PPA2: variants seen among roughly 807,000 people sequenced by gnomAD.
PPA2 encodes the protein inorganic pyrophosphatase 2, also known as inorganic pyrophosphatase 2, mitochondrial.
Under a neutral mutation model 49.5 loss-of-function variants are expected in PPA2, and 48 were observed. The ratio of observed to expected loss-of-function variants is 0.97; its 90% CI spans 0.77 to 1.23. The LOEUF (loss-of-function observed/expected upper bound fraction) is 1.23, where lower values mean the gene tolerates loss of function less well. PPA2 is among the 50% of genes most tolerant of loss of function. The pLI is 0.00. For synonymous variants in PPA2, 131 were observed against 139.9 expected (o/e 0.94, Z 0.45); for missense variants, 429 against 410.1 (o/e 1.05, Z -0.40).
intron 10 of PPA2, among the ~76,000 whole-genome samples, chr4:105,377,741 G>A (rs1733315667): frequency 6.6e-6 from 1 of 151,968 alleles, no homozygotes; most frequent in Non-Finnish European, 1.5e-5. Context: ...GATCTGGTCT[G>A]CATCATTATA....
chr4:105,398,044 C>A lies in PPA2; in HGVS notation c.783+993G>T, dbSNP rs571393883. Among the ~76,000 whole-genome samples, 17 of 151,732 alleles carry A rather than the reference C, an allele frequency of 1.1e-4. No individual in the cohort carries two copies. In the South Asian group the frequency reaches 3.6e-3, roughly 32 times the overall value. On this transcript the variant is annotated intron_variant, in intron 8 of 11. Coordinates refer to ENST00000341695, the MANE Select transcript of PPA2 (RefSeq NM_176869.3). ...TCTGGTGAAGTTGTATAAATGACCT[C>A]ATCTTTATACAGAAAAGAATTACTA...
chr4:105,370,566 G>A, intron 11 of PPA2: 5 of 966,294 alleles, frequency 5.2e-6, no homozygotes, highest in Non-Finnish European at 6.1e-6. Context: ...ATCAGAACTG[G>A]CTGGAATATC....
At chr4:105,456,802 C>A in intron 1 of PPA2, 57 bp from the exon 2 acceptor site, 1 of 1,362,838 alleles carries the variant, frequency 7.3e-7, no homozygotes, top group Non-Finnish European at 1.0e-6. Context: ...ACACATTGTT[C>A]TATACAGCAA....
Position 105,396,437 on chromosome 4 carries a change from T to C in PPA2, c.784-103A>G. 9.1e-6 allele frequency: 7 copies of C among 770,422 alleles called. No individual in the cohort carries two copies. In the East Asian group the frequency reaches 1.1e-4, roughly 13 times the overall value. 47.7% of individuals were successfully genotyped at this position (770,422 alleles called of 1,614,324 possible). A position where few individuals can be genotyped will look rare whatever the true frequency, so the allele number is the denominator to read the frequency against. On this transcript the variant is annotated intron_variant, in intron 8 of 11. Coordinates refer to ENST00000341695, the MANE Select transcript of PPA2 (RefSeq NM_176869.3). ...TGATGACAGTTAATTGTTAAGAGCA[T>C]GAGCTCCAGAGTCAGGCAAAGCTTG...
chr4:105,391,943 T>C (rs1733939192), intron 9 of PPA2, among the ~76,000 whole-genome samples: 1 of 152,138 alleles, frequency 6.6e-6, no homozygotes, highest in Non-Finnish European at 1.5e-5. Flanking sequence ...AGTAACTGAA[T>C]TAGTGTAGTT....
intron 6 of PPA2, among the ~76,000 whole-genome samples, chr4:105,429,296 C>T (rs747689613): frequency 2.0e-5 from 3 of 152,070 alleles, no homozygotes; most frequent in Admixed American, 6.6e-5. Flanking sequence ...ATACAAGAAA[C>T]GAGTAGATGA....
intron 1 of PPA2, among the ~76,000 whole-genome samples, chr4:105,472,093 C>T (rs1723547127): frequency 6.6e-6 from 1 of 152,230 alleles, no homozygotes; most frequent in African/African-American, 2.4e-5. Flanking sequence ...CTCCGTTATT[C>T]ATCCAATGCC....
intron 6 of PPA2, among the ~76,000 whole-genome samples, chr4:105,437,131 C>T (rs1382610468): frequency 6.6e-6 from 1 of 151,998 alleles, no homozygotes; most frequent in African/African-American, 2.4e-5. Context: ...TGCGCAAAGG[C>T]CACGAACCAA....
At chr4:105,402,209 C>A (rs1185164212) in intron 7 of PPA2, among the ~76,000 whole-genome samples, 1 of 151,606 alleles carries the variant, frequency 6.6e-6, no homozygotes, top group African/African-American at 2.4e-5. Context: ...GAGTTTGAGA[C>A]CATTCTGGGC....
intron 9 of PPA2, among the ~76,000 whole-genome samples, chr4:105,391,691 G>A (rs1733928083): frequency 6.6e-6 from 1 of 152,146 alleles, no homozygotes; most frequent in Non-Finnish European, 1.5e-5. Flanking sequence ...TAGGAAGGAA[G>A]AGCCCATGAG....
chr4:105,417,393 G>A (rs759879120), intron 7 of PPA2, among the ~76,000 whole-genome samples: 1 of 151,986 alleles, frequency 6.6e-6, no homozygotes, highest in Non-Finnish European at 1.5e-5. Context: ...AAACCCTAGG[G>A]ATCTTTTAGT....
intron 7 of PPA2, among the ~76,000 whole-genome samples, chr4:105,403,095 C>T (rs1476214914): frequency 6.6e-6 from 1 of 152,076 alleles, no homozygotes; most frequent in African/African-American, 2.4e-5. Context: ...GCAATCACGG[C>T]TCACTGCAAC....
At chr4:105,465,729 C>T (rs2110330317) in intron 1 of PPA2, among the ~76,000 whole-genome samples, 1 of 152,314 alleles carries the variant, frequency 6.6e-6, no homozygotes, top group East Asian at 1.9e-4. Context: ...TTCAGTGTTG[C>T]AGGCCTGTTA....
chr4:105,439,793 G>C (rs144276233), intron 5 of PPA2, among the ~76,000 whole-genome samples: 4,288 of 150,346 alleles, frequency 0.029, 195 homozygotes, highest in African/African-American at 0.09. Flanking sequence ...CCATTAACTC[G>C]TCATTTAGCA....
intron 7 of PPA2, among the ~76,000 whole-genome samples, chr4:105,402,646 C>T (rs1251767063): frequency 6.6e-6 from 1 of 152,122 alleles, no homozygotes; most frequent in Non-Finnish European, 1.5e-5. Flanking sequence ...AAGGGCCATA[C>T]TAAGGATTAT....
chr4:105,424,987 A>T lies in PPA2; in HGVS notation c.529-665T>A, dbSNP rs143212353. Among the ~76,000 whole-genome samples the T allele has an allele frequency of 5.4e-3, 820 of 152,340 alleles. 2 individuals are homozygous for T. Among genetic ancestry groups the T allele is most frequent in the Admixed American group, 7.1e-3 (109 of 15,308 alleles). ...GAAAACCTCATTTACCACAAGGGGCATTCATTAGTGAGCCTATAATAGGCA... is the reference window on the plus strand; with the variant it reads ...GAAAACCTCATTTACCACAAGGGGCTTTCATTAGTGAGCCTATAATAGGCA... On this transcript the variant is annotated intron_variant, in intron 6 of 11. Transcript: ENST00000341695.
At chr4:105,472,874 G>C (rs4699178) in intron 1 of PPA2, among the ~76,000 whole-genome samples, 133,036 of 152,270 alleles carry the variant, frequency 0.87, 58,473 homozygotes, top group African/African-American at 0.92. Context: ...TGACTAATCA[G>C]TTTACATATA....
At chr4:105,453,558 T>C (rs1722752995) in intron 3 of PPA2, 40 bp downstream of exon 3, 2 of 1,475,434 alleles carry the variant, frequency 1.4e-6, no homozygotes, top group Non-Finnish European at 9.3e-7. Flanking sequence ...TAACAGACAA[T>C]ATAAAAGTGA....
At chr4:105,439,994 A>G (rs1274176365) in intron 5 of PPA2, among the ~76,000 whole-genome samples, 1 of 151,808 alleles carries the variant, frequency 6.6e-6, no homozygotes, top group African/African-American at 2.4e-5. Context: ...TGCTGGGGAA[A>G]CCAGGATGGG....
Sources: allele counts gnomAD v4.1 joint callset (sites outside exome capture counted in the v4.1 genomes callset), GRCh38; gene constraint gnomAD v4.1.1; transcripts MANE v1.5; gene names NCBI Gene and HGNC (gene_info 2026-07-23, HGNC 2026-07-21).